Variants in TAF4B observed in about 807,000 individuals in gnomAD.
The protein encoded by TAF4B is transcription initiation factor TFIID subunit 4B.
In TAF4B, 38 loss-of-function variants were observed where a neutral mutation model predicts 86.4. That is an observed-to-expected ratio of 0.44 (90% confidence interval 0.34 to 0.58). TAF4B has a LOEUF of 0.58. Ranked by LOEUF, TAF4B falls within the 20% of genes least tolerant of loss-of-function variation. The probability of loss-of-function intolerance (pLI) is 0.02; values close to 1 mark genes in which losing one functional copy is unlikely to be tolerated. For missense variants in TAF4B, 988 were observed against 1,027.6 expected, an observed-to-expected ratio of 0.96 and a Z score of 0.53; for synonymous variants, 388 against 391.2, an observed-to-expected ratio of 0.99 and a Z score of 0.10.
intron 3 of TAF4B, among the ~76,000 whole-genome samples, chr18:26,272,609 A>AGG (rs2056334501): frequency 6.6e-6 from 1 of 152,012 alleles, no homozygotes; most frequent in African/African-American, 2.4e-5. Flanking sequence ...TTCCTGAGGG[A>AGG]GGGGGACAGT....
At chr18:26,315,132 C>CTCTCTCTCTCTG (rs2056891296) in intron 9 of TAF4B, 97 bp from the exon 10 acceptor site, 3 of 322,140 alleles carry the variant, frequency 9.3e-6, no homozygotes, top group African/African-American at 8.2e-5. Context: ...CTCTCTCTCT[C>CTCTCTCTCTCTG]TCTCTCTCTC....
chr18:26,368,931 G>A (rs1182384806), intron 14 of TAF4B, among the ~76,000 whole-genome samples: 1 of 152,130 alleles, frequency 6.6e-6, no homozygotes, highest in East Asian at 1.9e-4. Flanking sequence ...CCCACATAGA[G>A]AGGCTGAAAA....
intron 14 of TAF4B, among the ~76,000 whole-genome samples, chr18:26,388,819 T>G (rs925545823): frequency 8.5e-5 from 13 of 152,166 alleles, no homozygotes; most frequent in African/African-American, 3.1e-4. Flanking sequence ...TTATTTTTAT[T>G]ATTTTCATTT....
chr18:26,379,593 G>C (rs964947853), intron 14 of TAF4B, among the ~76,000 whole-genome samples: 6 of 151,958 alleles, frequency 3.9e-5, no homozygotes, highest in Non-Finnish European at 8.8e-5. Flanking sequence ...CTTGATTACT[G>C]TAACAGTTTA....
intron 14 of TAF4B, among the ~76,000 whole-genome samples, chr18:26,385,639 C>G (rs1327759738): frequency 6.6e-6 from 1 of 150,432 alleles, no homozygotes; most frequent in Non-Finnish European, 1.5e-5. Context: ...CTTCTATTTC[C>G]GAAGTGAACA....
intron 9 of TAF4B, among the ~76,000 whole-genome samples, chr18:26,299,432 T>A (rs115510928): frequency 5.4e-4 from 82 of 152,298 alleles, no homozygotes; most frequent in African/African-American, 1.9e-3. Context: ...CATTGATTAA[T>A]GTTTTGTAAG....
At chr18:26,388,118 C>T (rs1978484275) in intron 14 of TAF4B, among the ~76,000 whole-genome samples, 1 of 152,118 alleles carries the variant, frequency 6.6e-6, no homozygotes, top group Non-Finnish European at 1.5e-5. Context: ...AAGAGAGTTG[C>T]CAGTCCTATC....
intron 13 of TAF4B, among the ~76,000 whole-genome samples, chr18:26,350,872 G>A (rs78497748): frequency 0.014 from 2,136 of 152,152 alleles, 32 homozygotes; most frequent in Non-Finnish European, 0.018. Context: ...GACAAAAAAT[G>A]AGTAATGTTA....
At chr18:26,261,206 G>A (rs1428414936) in intron 1 of TAF4B, among the ~76,000 whole-genome samples, 1 of 130,038 alleles carries the variant, frequency 7.7e-6, no homozygotes, top group Non-Finnish European at 1.6e-5. Flanking sequence ...TTTTGAGACG[G>A]AGTCTCGCTC....
chr18:26,292,364 C>G lies in TAF4B; in HGVS notation c.1709C>G (p.Thr570Ser). The change falls in exon 8 of 15, where the codon ACT becomes AGT. Residue 570 changes from threonine to serine, a missense_variant. This residue lies in a region of TAF4B where 747 missense variants were observed against 737.9 expected (regional missense o/e 1.01). Transcript: ENST00000269142. The stretch of plus-strand genomic sequence containing the variant: ...ATGCCAGTGAACACCATAATACCTA[C>G]TAGTCAGTTTCCTCCAGGTAGATGC... Reference protein sequence around the residue: ...KTMPVNTIIPTSQFPPASILK... With the variant: ...KTMPVNTIIPSSQFPPASILK... 2.5e-6 allele frequency: 4 copies of G among 1,613,216 alleles called. No individual in the cohort carries two copies. The highest frequency in any genetic ancestry group is 3.4e-6 in the Non-Finnish European group (4 of 1,179,634).
rs116844822 is a variant in TAF4B at position 26,318,465 on chromosome 18, G to C, written c.2003-2605G>C. Among the ~76,000 whole-genome samples, 403 of 151,880 alleles carry C rather than the reference G, an allele frequency of 2.7e-3. 5 individuals carry two copies. Among genetic ancestry groups the C allele is most frequent in the East Asian group, 0.019 (100 of 5,166 alleles). On this transcript the variant is annotated intron_variant, in intron 10 of 14. Transcript: ENST00000269142. ...CCTTGTAGAATAGGTCAGAACCAAG[G>C]CTGTTTGTTAAAAATAGAAATTACA...
At chr18:26,239,289 G>C (rs991292311) in intron 1 of TAF4B, among the ~76,000 whole-genome samples, 1 of 152,096 alleles carries the variant, frequency 6.6e-6, no homozygotes, top group Non-Finnish European at 1.5e-5. Flanking sequence ...ATTCTAACTG[G>C]TGTGAGATGG....
At chr18:26,235,534 A>G (rs2055736135) in intron 1 of TAF4B, among the ~76,000 whole-genome samples, 1 of 152,206 alleles carries the variant, frequency 6.6e-6, no homozygotes, top group African/African-American at 2.4e-5. Context: ...ACTGGTATCC[A>G]AAAGTAAATC....
intron 1 of TAF4B, among the ~76,000 whole-genome samples, chr18:26,255,186 TA>T (rs200945838): frequency 0.079 from 11,792 of 148,350 alleles, 568 homozygotes; most frequent in Non-Finnish European, 0.1. Context: ...AGAAGGGGAT[TA>T]AAAAAAAAAG....
chr18:26,329,420 A>G (rs1476010794), intron 12 of TAF4B, among the ~76,000 whole-genome samples: 1 of 152,140 alleles, frequency 6.6e-6, no homozygotes, highest in Admixed American at 6.5e-5. Context: ...ACTCCTGAAC[A>G]TTTTCATATG....
intron 14 of TAF4B, among the ~76,000 whole-genome samples, chr18:26,361,744 CAA>C (rs112740348): frequency 3.8e-5 from 3 of 78,068 alleles, no homozygotes; most frequent in East Asian, 4.5e-4. Context: ...GACTCCGTCT[CAA>C]AAAAAAAAAA....
At chr18:26,321,749 C>A (rs914519929) in intron 11 of TAF4B, among the ~76,000 whole-genome samples, 1 of 152,072 alleles carries the variant, frequency 6.6e-6, no homozygotes, top group Non-Finnish European at 1.5e-5. Flanking sequence ...CAGCTATAAT[C>A]TACTCATTTA....
At chr18:26,318,377 G>C (rs2056932451) in intron 10 of TAF4B, among the ~76,000 whole-genome samples, 1 of 151,294 alleles carries the variant, frequency 6.6e-6, no homozygotes, top group Non-Finnish European at 1.5e-5. Flanking sequence ...TTTAAAGTAG[G>C]ATCATAGAGT....
intron 13 of TAF4B, among the ~76,000 whole-genome samples, chr18:26,337,361 G>A (rs537192445): frequency 5.3e-5 from 8 of 151,662 alleles, no homozygotes; most frequent in African/African-American, 1.9e-4. Flanking sequence ...ATACACAGTG[G>A]TAGTGTATAT....
Sources: gnomAD v4.1 joint callset for allele counts (sites outside exome capture counted in the v4.1 genomes callset) on GRCh38, gnomAD v4.1.1 for gene constraint, gnomAD v4.1.1 regional missense constraint, MANE v1.5 for transcripts, NCBI Gene and HGNC (gene_info 2026-07-23, HGNC 2026-07-21) for gene names.